PHYH: variants seen among roughly 807,000 people sequenced by gnomAD.
PHYH encodes phytanoyl-CoA 2-hydroxylase.
A neutral mutation model predicts 38.5 loss-of-function variants in PHYH; 32 were observed. The ratio of observed to expected loss-of-function variants is 0.83; its 90% CI spans 0.63 to 1.12. The LOEUF is 1.12. Among genes scored for constraint, PHYH ranks in the 50% most tolerant of loss-of-function variants. PHYH has a pLI of 0.00. For missense variants in PHYH, 426 were observed against 434.8 expected (o/e 0.98, Z 0.18); for synonymous variants, 166 against 157.9 (o/e 1.05, Z -0.38).
intron 2 of PHYH, 59 bp from the exon 3 acceptor site, chr10:13,295,665 A>G: frequency 1.3e-6 from 1 of 793,614 alleles, no homozygotes; most frequent in Non-Finnish European, 2.3e-6. Context: ...GCTAGGCACA[A>G]TGGCTCACAC....
chr10:13,294,452 G>A lies in PHYH; in HGVS notation c.390C>T (p.Leu130=), dbSNP rs139569975. The part of the protein sequence containing the change: ...KVQDFQEDKE[L]FRYCTLPEIL... The stretch of plus-strand genomic sequence containing the variant: ...CCTCGGGGAGAGTGCAGTATCTGAA[G>A]AGCTCCTTATCTTCCTGGAAATCCT... Residue 130 remains leucine, a synonymous_variant, in exon 4 of 9, where the codon CTC becomes CTT. Transcript: ENST00000263038. The A allele has an allele frequency of 8.9e-5, 143 of 1,614,024 alleles. No individual in the cohort carries two copies. Among genetic ancestry groups the A allele is most frequent in the Non-Finnish European group, 1.2e-4 (136 of 1,180,032 alleles).
chr10:13,286,114 G>C (rs1835542685), intron 6 of PHYH, among the ~76,000 whole-genome samples: 1 of 151,958 alleles, frequency 6.6e-6, no homozygotes, highest in East Asian at 1.9e-4. Flanking sequence ...ACCTCACCGT[G>C]TTGCCCAGGC....
chr10:13,280,568 A>T (rs1835388022), intron 8 of PHYH, among the ~76,000 whole-genome samples: 1 of 150,984 alleles, frequency 6.6e-6, no homozygotes, highest in Non-Finnish European at 1.5e-5. Flanking sequence ...CTGGTCTCCA[A>T]CTCCTGAGCT....
chr10:13,281,446 A>G (rs1166981009), intron 7 of PHYH, among the ~76,000 whole-genome samples: 2 of 151,718 alleles, frequency 1.3e-5, no homozygotes, highest in African/African-American at 4.8e-5. Context: ...TGAATATCCC[A>G]AAGTCTTAAG....
chr10:13,300,036 G>A lies in PHYH; in HGVS notation c.7C>T (p.Gln3Ter), dbSNP rs928481094. 2 of 1,531,034 alleles carry A rather than the reference G, an allele frequency of 1.3e-6. No homozygotes were observed. The highest frequency in any genetic ancestry group is 1.7e-6 in the Non-Finnish European group (2 of 1,144,092). 94.8% of individuals were successfully genotyped at this position (1,531,034 alleles called of 1,614,324 possible). The part of the protein sequence containing the change: ME[Q>*]LRAAARLQIV... ...TGCAGACGGGCGGCGGCGCGAAGCT[G>A]CTCCATGGCTGCGGCGCGGGGAACC... The change falls in exon 1 of 9, where the codon CAG becomes TAG. Residue 3 changes from glutamine (Q) to a stop codon, truncating the protein, a stop_gained. Transcript: ENST00000263038. LOFTEE classifies it high-confidence loss of function.
intron 2 of PHYH, among the ~76,000 whole-genome samples, chr10:13,296,502 G>T (rs1202178729): frequency 6.7e-6 from 1 of 149,342 alleles, no homozygotes; most frequent in African/African-American, 2.5e-5. Flanking sequence ...GGTGGAGATT[G>T]CAGTGAGCCA....
chr10:13,288,676 A>T lies in PHYH; in HGVS notation c.497-135T>A. On this transcript the variant is annotated intron_variant, in intron 5 of 8. Coordinates refer to ENST00000263038, the MANE Select transcript of PHYH (RefSeq NM_006214.4). ...GGCAGATGGATGGCTTGAGCCTGGG[A>T]GTTCAAAACCATCCCGGGAAACACA... 3 of 792,450 alleles carry T rather than the reference A, an allele frequency of 3.8e-6. No homozygotes were observed. In the South Asian group the frequency reaches 4.5e-5, roughly 12 times the overall value. 49.1% of individuals were successfully genotyped at this position (792,450 alleles called of 1,614,324 possible).
chr10:13,290,115 CAAAAAAAAAAAAAAAAAA>C (rs1172422242), intron 5 of PHYH, among the ~76,000 whole-genome samples: 1 of 33,394 alleles, frequency 3.0e-5, no homozygotes, highest in Non-Finnish European at 5.0e-5. Flanking sequence ...CTAAAAATAC[CAAAAAAAAAAAAAAAAAA>C]AAAAAAAAAA....
intron 6 of PHYH, among the ~76,000 whole-genome samples, chr10:13,287,107 G>A (rs1441829837): frequency 6.6e-6 from 1 of 152,180 alleles, no homozygotes; most frequent in Non-Finnish European, 1.5e-5. Context: ...TTGGGAGGCA[G>A]AGGTGGGCGG....
intron 3 of PHYH, 85 bp from the exon 4 acceptor site, chr10:13,294,681 T>C: frequency 8.4e-7 from 1 of 1,190,502 alleles, no homozygotes; most frequent in Non-Finnish European, 1.2e-6. Flanking sequence ...GGTTGCAGAC[T>C]TGAGGGGTGG....
intron 6 of PHYH, among the ~76,000 whole-genome samples, chr10:13,286,699 C>CAAA (rs33995270): frequency 8.6e-6 from 1 of 116,762 alleles, no homozygotes; most frequent in Non-Finnish European, 1.8e-5. Context: ...GACTCTGTCT[C>CAAA]AAAAAAAAAA....
chr10:13,298,321 C>G, intron 1 of PHYH, 76 bp from the exon 2 acceptor site: 1 of 873,554 alleles, frequency 1.1e-6, no homozygotes, highest in South Asian at 1.3e-5. Context: ...AATTCCAGCA[C>G]TTTGGGAGGC....
chr10:13,288,517 A>G lies in PHYH; in HGVS notation c.521T>C (p.Leu174Pro). The change falls in exon 6 of 9, where the codon CTG (leucine) becomes CCG (proline). Residue 174 changes from leucine to proline, a missense_variant. By Grantham distance (98) the Leu-to-Pro change is moderately conservative. Coordinates refer to ENST00000263038, the MANE Select transcript of PHYH (RefSeq NM_006214.4). ...GGGGAAATAGTGCAGGTCCTGGTGCAGGGGGTGACGGGACGTCTTCTTGCC... is the reference window on the plus strand; with the variant it reads ...GGGGAAATAGTGCAGGTCCTGGTGCGGGGGGTGACGGGACGTCTTCTTGCC... ...DSGKKTSRHP[L>P]HQDLHYFPFR... The G allele has an allele frequency of 6.2e-7, 1 of 1,614,162 alleles. No individual in the cohort carries two copies. The highest frequency in any genetic ancestry group is 8.5e-7 in the Non-Finnish European group (1 of 1,180,022).
intron 7 of PHYH, among the ~76,000 whole-genome samples, chr10:13,282,652 T>C (rs973420237): frequency 7.5e-5 from 11 of 147,460 alleles, no homozygotes; most frequent in South Asian, 2.1e-4. Flanking sequence ...ACCCACAACA[T>C]GATTTGTGTC....
In PHYH at chr10:13,298,225, C is replaced by T. The variant is rs1297852347; in HGVS notation, c.96G>A (p.Gly32=). 3 of 1,606,790 alleles carry T rather than the reference C, an allele frequency of 1.9e-6. No individual in the cohort carries two copies. The highest frequency in any genetic ancestry group is 2.7e-5 in the African/African-American group (2 of 74,750). Residue 32 remains glycine (G), a synonymous_variant, in exon 2 of 9, where the codon GGG becomes GGA. Transcript: ENST00000263038. ...AGAVVAHPTS[G]TISSASFHPQ... ...GATGGAAACTGGCAGAGGAAATAGT[C>T]CCTGAAGTGGGATGAGCTACCTAGG...
At position 13,298,189 on chromosome 10, in the gene PHYH, G is replaced by T. The variant is rs1397853687; in HGVS notation, c.132C>A (p.Phe44Leu). ...AAATCAAAACTCAAACTACTTACTGGAATTGTTGAGGATGGAAACTGGCAG... is the reference window on the plus strand; with the variant it reads ...AAATCAAAACTCAAACTACTTACTGTAATTGTTGAGGATGGAAACTGGCAG... Reference protein sequence around the residue: ...ISSASFHPQQFQYTLDNNVLT... With the variant: ...ISSASFHPQQLQYTLDNNVLT... The change falls in exon 2 of 9, where the codon TTC (phenylalanine) becomes TTA (leucine). Residue 44 changes from phenylalanine (F) to leucine (L), a missense_variant and splice_region_variant. Physicochemically the swap from Phe to Leu is conservative, Grantham distance 22 (BLOSUM62 0). Transcript: ENST00000263038. 1.3e-6 allele frequency: 2 copies of T among 1,592,534 alleles called. No individual in the cohort carries two copies. The highest frequency in any genetic ancestry group is 1.1e-5 in the South Asian group (1 of 90,674).
intron 6 of PHYH, among the ~76,000 whole-genome samples, 178 bp from the exon 7 acceptor site, chr10:13,284,017 T>C (rs990173080): frequency 6.6e-6 from 1 of 152,148 alleles, no homozygotes; most frequent in Admixed American, 6.6e-5. Flanking sequence ...CTCTCAGATA[T>C]CTGGTTTTTA....
chr10:13,295,928 G>A (rs1835837686), intron 2 of PHYH, among the ~76,000 whole-genome samples: 1 of 151,974 alleles, frequency 6.6e-6, no homozygotes, highest in Admixed American at 6.6e-5. Flanking sequence ...AGCACTTTGG[G>A]AGGCCGAGGC....
chr10:13,295,521 G>T lies in PHYH; in HGVS notation c.220C>A (p.Pro74Thr), dbSNP rs1430210913. ...CGAAAGCGTTGAATATCGGCATCAG[G>T]TACAAGATTTTTGATTACTAGAAAC... ...NGFLVIKNLVPDADIQRFRNE... is the reference protein window; with the variant it reads ...NGFLVIKNLVTDADIQRFRNE... Residue 74 changes from proline to threonine, a missense_variant, in exon 3 of 9, where the codon CCT becomes ACT. Physicochemically the swap from Pro to Thr is conservative, Grantham distance 38. Coordinates refer to ENST00000263038, the MANE Select transcript of PHYH (RefSeq NM_006214.4). 6.4e-7 allele frequency: 1 copy of T among 1,556,806 alleles called. No homozygotes were observed. Among genetic ancestry groups the T allele is most frequent in the East Asian group, 2.2e-5 (1 of 44,638 alleles).
Sources: gnomAD v4.1 joint callset for allele counts (sites outside exome capture counted in the v4.1 genomes callset) on GRCh38, gnomAD v4.1.1 for gene constraint, MANE v1.5 for transcripts, NCBI Gene and HGNC (gene_info 2026-07-23, HGNC 2026-07-21) for gene names.